ANXA9: variants seen among roughly 807,000 people sequenced by gnomAD.
The protein encoded by ANXA9 is annexin A9.
Under a neutral mutation model 51.8 loss-of-function variants are expected in ANXA9, and 47 were observed. The ratio of observed to expected loss-of-function variants is 0.91; its 90% CI spans 0.72 to 1.16. The LOEUF (loss-of-function observed/expected upper bound fraction) is 1.16, where lower values mean the gene tolerates loss of function less well. Ranked by LOEUF, ANXA9 falls within the 50% of genes most tolerant of loss-of-function variation. ANXA9 has a pLI of 0.00. For synonymous variants in ANXA9, 154 were observed against 168.7 expected, an observed-to-expected ratio of 0.91 and a Z score of 0.68; for missense variants, 361 against 424.7, an observed-to-expected ratio of 0.85 and a Z score of 1.32.
At chr1:150,983,680 G>A (rs1480978673) in intron 4 of ANXA9, among the ~76,000 whole-genome samples, 2 of 152,148 alleles carry the variant, frequency 1.3e-5, no homozygotes, top group African/African-American at 2.4e-5. Flanking sequence ...GCTTGCCCAA[G>A]GTCACTCAGC....
chr1:150,985,414 T>C (rs1257371229), intron 7 of ANXA9, among the ~76,000 whole-genome samples: 1 of 152,036 alleles, frequency 6.6e-6, no homozygotes, highest in Non-Finnish European at 1.5e-5. Context: ...GAGTCATGGG[T>C]GTCACCTTTC....
chr1:150,986,560 G>C, intron 8 of ANXA9, 42 bp from the exon 9 acceptor site: 1 of 1,604,762 alleles, frequency 6.2e-7, no homozygotes, highest in Non-Finnish European at 8.5e-7. Context: ...AGATAAAAAG[G>C]TGCCCTTCAA....
upstream of ANXA9, among the ~76,000 whole-genome samples, chr1:150,980,558 A>G (rs587744757): frequency 1.1e-3 from 159 of 150,860 alleles, no homozygotes; most frequent in Non-Finnish European, 1.6e-3. Flanking sequence ...TGCCACATGC[A>G]ATTACACAGA....
chr1:150,986,301 C>A, intron 7 of ANXA9, 35 bp from the exon 8 acceptor site: 1 of 1,598,034 alleles, frequency 6.3e-7, no homozygotes, highest in Non-Finnish European at 8.6e-7. Flanking sequence ...TAGGAAAACT[C>A]AGGAGGATTC....
In ANXA9 at chr1:150,988,158, A is replaced by C; in HGVS notation, c.765A>C (p.Gly255=). The C allele has an allele frequency of 6.2e-7, 1 of 1,614,190 alleles. No homozygotes were observed. The highest frequency in any genetic ancestry group is 8.5e-7 in the Non-Finnish European group (1 of 1,180,032). Reference sequence around the variant, plus strand: ...AGGCTGTCCAGAACCGTTTCCATGGAGATGCTCAGGTGGCTCTGCTCGGCC... The same window carrying C: ...AGGCTGTCCAGAACCGTTTCCATGGCGATGCTCAGGTGGCTCTGCTCGGCC... ...LEEAVQNRFH[G]DAQVALLGLA... Residue 255 remains glycine (G), a synonymous_variant, in exon 11 of 14, where the codon GGA becomes GGC. Coordinates refer to ENST00000368947, the MANE Select transcript of ANXA9 (RefSeq NM_003568.3).
chr1:150,985,167 GTCTCTC>G (rs1227557728), intron 7 of ANXA9, among the ~76,000 whole-genome samples: 4 of 141,236 alleles, frequency 2.8e-5, no homozygotes, highest in Admixed American at 1.4e-4. Context: ...GTGAGAGCAT[GTCTCTC>G]TCTCTCTCTC....
At position 150,995,431 on chromosome 1, in the gene ANXA9, C is replaced by T; in HGVS notation, c.*109C>T. 1 of 933,208 alleles carries T rather than the reference C, an allele frequency of 1.1e-6. No individual in the cohort carries two copies. The highest frequency in any genetic ancestry group is 1.8e-5 in the South Asian group (1 of 55,542). The allele number at this position is 933,208 out of a possible 1,614,324, so 57.8% of individuals were successfully genotyped here. A position where few individuals can be genotyped will look rare whatever the true frequency, so the allele number is the denominator to read the frequency against. On this transcript the variant is annotated 3_prime_UTR_variant, in exon 14 of 14. Transcript: ENST00000368947. The stretch of plus-strand genomic sequence containing the variant: ...AAGTAGGATAACCCCTCACTGAGCA[C>T]CACATTCTCTAGCTTCTTGTTGAGG...
At chr1:150,990,190 A>G (rs1036622585) in intron 12 of ANXA9, among the ~76,000 whole-genome samples, 3 of 151,484 alleles carry the variant, frequency 2.0e-5, no homozygotes, top group African/African-American at 7.3e-5. Flanking sequence ...ACCTGCCTCT[A>G]GTCCCAACTA....
chr1:150,994,476 C>T (rs1402670281), intron 12 of ANXA9, 101 bp from the exon 13 acceptor site: 1 of 1,549,826 alleles, frequency 6.5e-7, no homozygotes, highest in East Asian at 2.3e-5. Context: ...CCTTGACTCC[C>T]ACCTTGCCTC....
chr1:150,994,509 A>T, intron 12 of ANXA9, 68 bp from the exon 13 acceptor site: 1 of 1,595,544 alleles, frequency 6.3e-7, no homozygotes, highest in African/African-American at 1.3e-5. Context: ...TAACCCTCCA[A>T]GCCATTCAAC....
upstream of ANXA9, among the ~76,000 whole-genome samples, chr1:150,981,194 C>T (rs1251640569): frequency 6.6e-6 from 1 of 152,158 alleles, no homozygotes; most frequent in Non-Finnish European, 1.5e-5. Flanking sequence ...AAGTGAGGAG[C>T]AGTGATTACC....
intron 9 of ANXA9, among the ~76,000 whole-genome samples, chr1:150,987,384 A>T (rs34035501): frequency 0.3 from 35,798 of 118,458 alleles, 4,594 homozygotes; most frequent in South Asian, 0.5. Flanking sequence ...TCTCTCTCAC[A>T]CACACACACA....
intron 7 of ANXA9, among the ~76,000 whole-genome samples, chr1:150,985,509 T>G (rs1394593176): frequency 8.6e-6 from 1 of 116,544 alleles, no homozygotes. Context: ...TTACCACCCC[T>G]TCCCCCCACC....
intron 12 of ANXA9, among the ~76,000 whole-genome samples, chr1:150,990,017 A>G (rs587711909): frequency 6.6e-6 from 1 of 151,932 alleles, no homozygotes; most frequent in East Asian, 2.0e-4. Context: ...TCTTAGAAGT[A>G]GTAGTCAGGG....
At position 150,991,017 on chromosome 1, in the gene ANXA9, C is replaced by T. The variant is rs1558041084; in HGVS notation, c.852+2676C>T. Among the ~76,000 whole-genome samples the T allele has an allele frequency of 3.3e-5, 5 of 151,502 alleles. No individual in the cohort carries two copies. The South Asian group carries it at 8.3e-4, about 25-fold the overall frequency. On this transcript the variant is annotated intron_variant, in intron 12 of 13. Coordinates refer to ENST00000368947, the MANE Select transcript of ANXA9 (RefSeq NM_003568.3). Reference sequence around the variant, plus strand: ...AATTAGCCAGGCGTGGTAGCGGGCGCCTGTAGTCCCAGCTACGCTGGAGGC... The same window carrying T: ...AATTAGCCAGGCGTGGTAGCGGGCGTCTGTAGTCCCAGCTACGCTGGAGGC...
chr1:150,984,030 G>A lies in ANXA9; in HGVS notation c.228G>A (p.Arg76=), dbSNP rs1284051113. The A allele has an allele frequency of 3.1e-6, 5 of 1,611,712 alleles. No homozygotes were observed. The highest frequency in any genetic ancestry group is 4.2e-6 in the Non-Finnish European group (5 of 1,179,408). ...TGACCAACCGGAGCAGAGAGCAAAGGCAGCTCATCTCACGAAACTTCCAGG... is the reference window on the plus strand; with the variant it reads ...TGACCAACCGGAGCAGAGAGCAAAGACAGCTCATCTCACGAAACTTCCAGG... ...DVLTNRSREQ[R]QLISRNFQER... The change falls in exon 5 of 14, where the codon AGG becomes AGA. Residue 76 remains arginine, a synonymous_variant. Coordinates refer to ENST00000368947, the MANE Select transcript of ANXA9 (RefSeq NM_003568.3).
At chr1:150,989,360 G>T (rs587651643) in intron 12 of ANXA9, among the ~76,000 whole-genome samples, 87 of 151,770 alleles carry the variant, frequency 5.7e-4, no homozygotes, top group African/African-American at 2.0e-3. Flanking sequence ...ATTGAATTAG[G>T]TCTCCTATTA....
intron 12 of ANXA9, among the ~76,000 whole-genome samples, chr1:150,990,093 G>A (rs960593059): frequency 2.6e-5 from 4 of 151,914 alleles, no homozygotes; most frequent in Non-Finnish European, 5.9e-5. Flanking sequence ...AGGATCGCTT[G>A]AGGTCAGGAG....
intron 12 of ANXA9, among the ~76,000 whole-genome samples, chr1:150,990,708 G>A (rs947336247): frequency 6.6e-5 from 10 of 152,186 alleles, no homozygotes; most frequent in Non-Finnish European, 1.3e-4. Flanking sequence ...TTAGCCAGGG[G>A]GTAGTGGTGA....
Sources: gnomAD v4.1 joint callset for allele counts (sites outside exome capture counted in the v4.1 genomes callset) on GRCh38, gnomAD v4.1.1 for gene constraint, MANE v1.5 for transcripts, NCBI Gene and HGNC (gene_info 2026-07-23, HGNC 2026-07-21) for gene names.